The following SRCIN1 variants were observed in gnomAD, a reference collection of about 807,000 sequenced individuals.
SRCIN1 encodes P130Cas-associated protein.
SRCIN1 carries 50 observed loss-of-function variants against 116.2 expected under a neutral mutation model. That is an observed-to-expected ratio of 0.43 (90% CI 0.34 to 0.54). The LOEUF is 0.54. Among genes scored for constraint, SRCIN1 ranks in the 20% least tolerant of loss-of-function variants. The pLI is 0.02. For missense variants in SRCIN1, 1,446 were observed against 1,672.0 expected (o/e 0.86, Z 2.36); for synonymous variants, 736 against 750.0 (o/e 0.98, Z 0.30).
intron 1 of SRCIN1, among the ~76,000 whole-genome samples, chr17:38,603,061 A>G (rs1229056999): frequency 6.6e-6 from 1 of 152,166 alleles, no homozygotes; most frequent in Admixed American, 6.6e-5. Flanking sequence ...GATGGCAGCC[A>G]TGCCACCCCC....
Position 38,561,654 on chromosome 17 carries a change from C to A in SRCIN1, c.1509G>T (p.Ser503=), listed in dbSNP as rs754082024. The change falls in exon 7 of 19, where the codon TCG becomes TCT. Residue 503 remains serine (S), a synonymous_variant. Transcript: ENST00000617146. ...SPYSGPPSRG[S]PVRQSFRKDS... ...CCTTGCGGAAGGACTGGCGCACTGG[C>A]GAGCCGCGGCTGGGCGGCCCCGAGT... is the stretch of plus-strand genomic sequence containing the variant. The A allele has an allele frequency of 1.0e-5, 16 of 1,560,774 alleles. No individual in the cohort carries two copies. In the Admixed American group the frequency reaches 2.7e-4, roughly 26 times the overall value.
intron 1 of SRCIN1, among the ~76,000 whole-genome samples, chr17:38,582,449 C>G (rs1907877119): frequency 6.6e-6 from 1 of 152,172 alleles, no homozygotes; most frequent in African/African-American, 2.4e-5. Context: ...TGACTGCAGT[C>G]CCACAAATCT....
chr17:38,562,406 C>G lies in SRCIN1; in HGVS notation c.835-78G>C, dbSNP rs1906335083. On this transcript the variant is annotated intron_variant, in intron 6 of 18. Coordinates refer to ENST00000617146, the MANE Select transcript of SRCIN1 (RefSeq NM_025248.3). The surrounding 1 kb of genome is among the most constrained non-coding windows in gnomAD (Gnocchi z 4.2). Reference sequence around the variant, plus strand: ...TGTCCCTTGCTTGAGGAGCCAGCATCTCCTCCCTGACGCTTAGGAAGTCCC... The same window carrying G: ...TGTCCCTTGCTTGAGGAGCCAGCATGTCCTCCCTGACGCTTAGGAAGTCCC... The G allele has an allele frequency of 7.3e-7, 1 of 1,366,038 alleles. No homozygotes were observed. Among genetic ancestry groups the G allele is most frequent in the African/African-American group, 1.5e-5 (1 of 65,050 alleles). The allele number at this position is 1,366,038 out of a possible 1,614,324, so 84.6% of individuals were successfully genotyped here.
intron 18 of SRCIN1, 47 bp downstream of exon 18, chr17:38,543,776 C>T (rs775239196): frequency 4.4e-6 from 7 of 1,585,808 alleles, no homozygotes; most frequent in Non-Finnish European, 5.1e-6. Context: ...AGGGGCCCGG[C>T]ATGCAGCAGA....
chr17:38,537,730 G>A (rs964543739), intron 18 of SRCIN1, among the ~76,000 whole-genome samples: 1 of 151,228 alleles, frequency 6.6e-6, no homozygotes, highest in Non-Finnish European at 1.5e-5. Flanking sequence ...GGCAGAGCTT[G>A]CAGTGAGCAG....
At chr17:38,534,702 C>G (rs2040975711) in intron 18 of SRCIN1, among the ~76,000 whole-genome samples, 1 of 152,204 alleles carries the variant, frequency 6.6e-6, no homozygotes, top group Non-Finnish European at 1.5e-5. Context: ...GCCTGCCCAG[C>G]TCACAGTAAA....
chr17:38,575,644 G>T (rs1907371923), intron 2 of SRCIN1, among the ~76,000 whole-genome samples: 1 of 151,938 alleles, frequency 6.6e-6, no homozygotes, highest in Non-Finnish European at 1.5e-5. Flanking sequence ...CTCACTAAAG[G>T]TGTCACACCT....
intron 1 of SRCIN1, among the ~76,000 whole-genome samples, chr17:38,588,876 C>T (rs1908287251): frequency 1.3e-5 from 2 of 152,200 alleles, no homozygotes. Context: ...ATATCCTCCT[C>T]AGAGACACCA....
chr17:38,567,500 G>A (rs1336285539), intron 3 of SRCIN1, among the ~76,000 whole-genome samples: 1 of 152,116 alleles, frequency 6.6e-6, no homozygotes, highest in Non-Finnish European at 1.5e-5. Flanking sequence ...AAGACACCTG[G>A]GGAGTCTGGG....
chr17:38,604,016 C>T lies in SRCIN1; in HGVS notation c.22+1668G>A, dbSNP rs563047107. On this transcript the variant is annotated intron_variant, in intron 1 of 18. Coordinates refer to ENST00000617146, the MANE Select transcript of SRCIN1 (RefSeq NM_025248.3). The surrounding 1 kb of genome is among the most constrained non-coding windows in gnomAD (Gnocchi z 4.3). ...CAGAAACCACCACCATCACAGCTGC[C>T]ACCAGTGGCGACAGCCTCACAATCT... 6.6e-6 allele frequency among the ~76,000 whole-genome samples: 1 copy of T among 152,272 alleles called. No homozygotes were observed. The highest frequency in any genetic ancestry group is 6.5e-5 in the Admixed American group (1 of 15,300).
At chr17:38,601,638 GCACACA>G (rs35202404) in intron 1 of SRCIN1, among the ~76,000 whole-genome samples, 4 of 137,664 alleles carry the variant, frequency 2.9e-5, no homozygotes, top group East Asian at 2.0e-4. Context: ...ACACACACAC[GCACACA>G]CACACACACG....
Position 38,605,716 on chromosome 17 carries a change from C to CGCGGGGG in SRCIN1, c.-18_-12dup. On this transcript the variant is annotated 5_prime_UTR_variant, in exon 1 of 19. Transcript: ENST00000617146. ...CGGAGCGTTCCCCATCGGGCGGGGG[C>CGCGGGGG]GCGGGGGGCGGGGGCCCCGGGCCGG... 1.7e-6 allele frequency: 2 copies of CGCGGGGG among 1,187,672 alleles called. No homozygotes were observed. Among genetic ancestry groups the CGCGGGGG allele is most frequent in the Non-Finnish European group, 2.1e-6 (2 of 949,578 alleles). The allele number at this position is 1,187,672 out of a possible 1,614,324, so 73.6% of individuals were successfully genotyped here.
rs192633328 is a variant in SRCIN1 at position 38,602,933 on chromosome 17, A to C, written c.22+2751T>G. Among the ~76,000 whole-genome samples the C allele has an allele frequency of 1.3e-5, 2 of 152,058 alleles. No individual in the cohort carries two copies. The highest frequency in any genetic ancestry group is 1.9e-4 in the East Asian group (1 of 5,154). Reference sequence around the variant, plus strand: ...TGTCTCCCTTCTTTCCCCAAAACCTAACCTGGGGTGGGGGTGGGGGCTCAA... The same window carrying C: ...TGTCTCCCTTCTTTCCCCAAAACCTCACCTGGGGTGGGGGTGGGGGCTCAA... On this transcript the variant is annotated intron_variant, in intron 1 of 18. Coordinates refer to ENST00000617146, the MANE Select transcript of SRCIN1 (RefSeq NM_025248.3). The surrounding 1 kb of genome is among the most constrained non-coding windows in gnomAD (Gnocchi z 4.2).
chr17:38,597,104 CT>C (rs1270546029), intron 1 of SRCIN1, among the ~76,000 whole-genome samples: 2 of 152,224 alleles, frequency 1.3e-5, no homozygotes, highest in African/African-American at 2.4e-5. Flanking sequence ...TCAGAGCCCC[CT>C]GCCAATCTCA....
Position 38,585,672 on chromosome 17 carries a change from T to C in SRCIN1, c.23-6881A>G, listed in dbSNP as rs1908073975. ...CAGAAGCCCATCTGTGTCTGTTTTC[T>C]AAAACCATCTTTTCCGCCCCATACC... On this transcript the variant is annotated intron_variant, in intron 1 of 18. Transcript: ENST00000617146. The surrounding 1 kb of genome is among the most constrained non-coding windows in gnomAD (Gnocchi z 4.2). Among the ~76,000 whole-genome samples the C allele has an allele frequency of 6.6e-6, 1 of 152,206 alleles. No homozygotes were observed. Among genetic ancestry groups the C allele is most frequent in the African/African-American group, 2.4e-5 (1 of 41,452 alleles).
intron 18 of SRCIN1, among the ~76,000 whole-genome samples, chr17:38,539,726 C>T (rs1256321309): frequency 6.6e-6 from 1 of 152,088 alleles, no homozygotes; most frequent in African/African-American, 2.4e-5. Flanking sequence ...TGGTGTCGTC[C>T]TTTCATTAAA....
At chr17:38,578,936 G>A (rs1907617655) in intron 1 of SRCIN1, 145 bp from the exon 2 acceptor site, 12 of 967,412 alleles carry the variant, frequency 1.2e-5, no homozygotes, top group Non-Finnish European at 1.8e-5. Context: ...GGGCTGCCCA[G>A]CACCCCACTA....
Position 38,560,063 on chromosome 17 carries a change from G to A in SRCIN1, c.1828C>T (p.Pro610Ser), listed in dbSNP as rs772989929. Residue 610 changes from proline (P) to serine (S), a missense_variant, in exon 9 of 19, where the codon CCC (proline) becomes TCC (serine). Pro to Ser is a moderately conservative substitution (Grantham distance 74, BLOSUM62 -1). Coordinates refer to ENST00000617146, the MANE Select transcript of SRCIN1 (RefSeq NM_025248.3). The stretch of plus-strand genomic sequence containing the variant: ...GGGGAGGTTCACTCACGTGCTGAGG[G>A]GGTGGCTGCTCCATTGGAGCCTTCA... ...KIEGSNGAATPSAPCGSGGRS... is the reference protein window; with the variant it reads ...KIEGSNGAATSSAPCGSGGRS... 32 of 1,558,088 alleles carry A rather than the reference G, an allele frequency of 2.1e-5. No individual in the cohort carries two copies. Among genetic ancestry groups the A allele is most frequent in the Non-Finnish European group, 2.8e-5 (32 of 1,151,094 alleles).
In SRCIN1 at chr17:38,531,969, GCTC is replaced by G. The variant is rs1432567275; in HGVS notation, c.*1325_*1327del. The G allele has an allele frequency of 6.5e-6, 1 of 152,680 alleles. No individual in the cohort carries two copies. The highest frequency in any genetic ancestry group is 1.5e-5 in the Non-Finnish European group (1 of 68,178). 9.5% of individuals were successfully genotyped at this position (152,680 alleles called of 1,614,324 possible). A position where few individuals can be genotyped will look rare whatever the true frequency, so the allele number is the denominator to read the frequency against. On this transcript the variant is annotated 3_prime_UTR_variant, in exon 19 of 19. Transcript: ENST00000617146. The stretch of plus-strand genomic sequence containing the variant: ...CTCTTCTCCTATCCTCTCCCTACCG[GCTC>G]CTCACTGTGCCCTCTGGGGGGCCAG...
Sources: gnomAD v4.1 joint callset for allele counts (sites outside exome capture counted in the v4.1 genomes callset) on GRCh38, gnomAD v4.1.1 for gene constraint, Gnocchi (gnomAD v3.1) non-coding constraint, MANE v1.5 for transcripts, NCBI Gene and HGNC (gene_info 2026-07-23, HGNC 2026-07-21) for gene names.